Variants in RBFOX1 observed in about 807,000 individuals in gnomAD.
RBFOX1 encodes the protein RNA binding protein fox-1 homolog 1.
RBFOX1 carries 8 observed loss-of-function variants against 57.7 expected under a neutral mutation model. The ratio of observed to expected loss-of-function variants is 0.14; its 90% CI spans 0.08 to 0.25. The LOEUF (loss-of-function observed/expected upper bound fraction) is 0.25, where lower values mean the gene tolerates loss of function less well. RBFOX1 is among the 10% of genes least tolerant of loss of function. The pLI, the probability that RBFOX1 is intolerant of heterozygous loss-of-function variation, is 1.00. For synonymous variants in RBFOX1, 326 were observed against 222.4 expected (o/e 1.47, Z -4.15); for missense variants, 611 against 548.5 (o/e 1.11, Z -1.14).
chr16:6,700,495 T>G (rs922498565), intron 3 of RBFOX1, among the ~76,000 whole-genome samples: 3 of 151,834 alleles, frequency 2.0e-5, no homozygotes, highest in African/African-American at 7.3e-5. Context: ...CTGTCTCTAC[T>G]AAAATACAAA....
At chr16:7,598,702 T>G (rs2094843444) in intron 9 of RBFOX1, among the ~76,000 whole-genome samples, 1 of 152,224 alleles carries the variant, frequency 6.6e-6, no homozygotes, top group Admixed American at 6.6e-5. Context: ...CATTTTTATG[T>G]GAATGATATA....
At chr16:7,034,440 G>A (rs1215290522) in intron 3 of RBFOX1, among the ~76,000 whole-genome samples, 6 of 152,116 alleles carry the variant, frequency 3.9e-5, no homozygotes. Flanking sequence ...GCTGCCCTCT[G>A]CTTCTTCCCC....
chr16:7,017,278 A>G (rs1188372934), intron 3 of RBFOX1, among the ~76,000 whole-genome samples: 2 of 152,186 alleles, frequency 1.3e-5, no homozygotes, highest in African/African-American at 2.4e-5. Context: ...GCCCAAGTAT[A>G]GAATGATGGC....
chr16:5,822,765 A>G (rs969400989), intron 3 of RBFOX1, among the ~76,000 whole-genome samples: 2 of 152,036 alleles, frequency 1.3e-5, no homozygotes, highest in East Asian at 3.9e-4. Context: ...GGAATTGGAG[A>G]TGGTTTGTTG....
intron 2 of RBFOX1, among the ~76,000 whole-genome samples, chr16:6,450,429 T>G (rs2094565981): frequency 6.6e-6 from 1 of 151,878 alleles, no homozygotes; most frequent in Non-Finnish European, 1.5e-5. Context: ...TATTTATTGG[T>G]TTATTTTCAC....
intron 1 of RBFOX1, among the ~76,000 whole-genome samples, chr16:5,274,370 A>G (rs968253456): frequency 1.3e-4 from 20 of 152,094 alleles, no homozygotes; most frequent in African/African-American, 4.8e-4. Context: ...GTCTACTAAA[A>G]ATACAAAAAT....
chr16:6,823,164 A>T (rs367626265), intron 3 of RBFOX1, among the ~76,000 whole-genome samples: 2 of 152,154 alleles, frequency 1.3e-5, no homozygotes, highest in East Asian at 1.9e-4. Flanking sequence ...CTCAGCCCCA[A>T]AGTGATTAGG....
At chr16:5,646,975 G>T (rs879726036) in intron 3 of RBFOX1, among the ~76,000 whole-genome samples, 1 of 152,134 alleles carries the variant, frequency 6.6e-6, no homozygotes, top group Admixed American at 6.5e-5. Flanking sequence ...CCGAGAAAGG[G>T]GAGCGCAGCC....
At chr16:6,875,169 A>G (rs931927413) in intron 3 of RBFOX1, among the ~76,000 whole-genome samples, 1 of 152,194 alleles carries the variant, frequency 6.6e-6, no homozygotes, top group Admixed American at 6.5e-5. Context: ...GTGCTTGTGC[A>G]CATAATCATC....
chr16:6,561,219 T>C (rs1344568829), intron 2 of RBFOX1, among the ~76,000 whole-genome samples: 2 of 152,140 alleles, frequency 1.3e-5, no homozygotes. Context: ...GGTTCCCTGC[T>C]GTCTACTAGG....
chr16:6,760,910 C>T (rs1279729518), intron 3 of RBFOX1, among the ~76,000 whole-genome samples: 2 of 152,156 alleles, frequency 1.3e-5, no homozygotes, highest in South Asian at 2.1e-4. Context: ...ATCTTCCTAG[C>T]ACTGCGTCTG....
chr16:5,454,779 TTCTTTCTTTC>T (rs756254647), intron 1 of RBFOX1, among the ~76,000 whole-genome samples: 39 of 151,416 alleles, frequency 2.6e-4, no homozygotes, highest in Non-Finnish European at 5.3e-4. Context: ...CTTTCTTTCT[TTCTTTCTTTC>T]TCTTTCTTTC....
In RBFOX1 at chr16:6,601,495, G is replaced by A. The variant is rs947351405; in HGVS notation, c.-63-53108G>A. On this transcript the variant is annotated intron_variant, in intron 2 of 15. Coordinates refer to ENST00000550418, the MANE Select transcript of RBFOX1 (RefSeq NM_018723.4). The stretch of plus-strand genomic sequence containing the variant: ...TTTAAGGGAACTCTACATACAAGAA[G>A]CTATACCAGCGTAAGGATCCTGGAC... 7.2e-5 allele frequency among the ~76,000 whole-genome samples: 11 copies of A among 152,094 alleles called. No homozygotes were observed. The East Asian group carries it at 2.1e-3, about 29-fold the overall frequency.
At chr16:6,162,678 C>T (rs2096888434) in intron 1 of RBFOX1, among the ~76,000 whole-genome samples, 1 of 152,120 alleles carries the variant, frequency 6.6e-6, no homozygotes, top group Non-Finnish European at 1.5e-5. Flanking sequence ...TTATATGTTA[C>T]AAGATGTTGG....
intron 3 of RBFOX1, among the ~76,000 whole-genome samples, chr16:6,950,184 C>T (rs2080418476): frequency 6.7e-6 from 1 of 150,142 alleles, no homozygotes; most frequent in South Asian, 2.1e-4. Flanking sequence ...TCTCAAACTC[C>T]TGACCTCAAG....
intron 1 of RBFOX1, among the ~76,000 whole-genome samples, chr16:5,420,814 G>A (rs1440267761): frequency 6.6e-6 from 1 of 151,720 alleles, no homozygotes; most frequent in African/African-American, 2.4e-5. Context: ...GGGATTCCAG[G>A]CATGAGCCAC....
At chr16:5,659,179 G>T (rs1171508426) in intron 3 of RBFOX1, among the ~76,000 whole-genome samples, 1 of 151,476 alleles carries the variant, frequency 6.6e-6, no homozygotes, top group Admixed American at 6.6e-5. Flanking sequence ...ACTGTTTTTT[G>T]ATTTTTTTGA....
intron 3 of RBFOX1, among the ~76,000 whole-genome samples, chr16:7,039,498 A>G (rs945496424): frequency 6.6e-6 from 1 of 152,212 alleles, no homozygotes; most frequent in African/African-American, 2.4e-5. Context: ...GACTTGAGTC[A>G]TTGTTGTGAC....
At chr16:6,668,130 C>A (rs930238611) in intron 3 of RBFOX1, among the ~76,000 whole-genome samples, 2 of 152,110 alleles carry the variant, frequency 1.3e-5, no homozygotes, top group East Asian at 1.9e-4. Flanking sequence ...CTCAATCTGA[C>A]TGAAAGAGTA....
Sources: allele counts gnomAD v4.1 joint callset (sites outside exome capture counted in the v4.1 genomes callset), GRCh38; gene constraint gnomAD v4.1.1; transcripts MANE v1.5; gene names NCBI Gene and HGNC (gene_info 2026-07-23, HGNC 2026-07-21).